Variants in FAM117B observed in about 807,000 individuals in gnomAD.
FAM117B encodes protein FAM117B.
In FAM117B, 22 loss-of-function variants were observed where a neutral mutation model predicts 52.8. The ratio of observed to expected loss-of-function variants is 0.42; its 90% confidence interval spans 0.30 to 0.59. FAM117B has a LOEUF of 0.59. FAM117B is among the 20% of genes least tolerant of loss of function. The pLI, the probability that FAM117B is intolerant of heterozygous loss-of-function variation, is 0.22. For missense variants in FAM117B, 678 were observed against 802.6 expected (o/e 0.84, Z 1.88); for synonymous variants, 309 against 324.1 (o/e 0.95, Z 0.50).
At chr2:202,642,344 A>AATAT (rs59347439) in intron 1 of FAM117B, among the ~76,000 whole-genome samples, 14,880 of 142,500 alleles carry the variant, frequency 0.1, 816 homozygotes, top group Middle Eastern at 0.16. Flanking sequence ...GAATAAATAG[A>AATAT]ATATATATAT....
chr2:202,639,062 A>C (rs973780919), intron 1 of FAM117B, among the ~76,000 whole-genome samples: 1 of 152,158 alleles, frequency 6.6e-6, no homozygotes, highest in Non-Finnish European at 1.5e-5. Context: ...CTTTTTCATT[A>C]AAGGGAGGCT....
At chr2:202,699,229 C>A (rs990854188) in intron 2 of FAM117B, among the ~76,000 whole-genome samples, 1 of 151,650 alleles carries the variant, frequency 6.6e-6, no homozygotes, top group African/African-American at 2.4e-5. Context: ...GAGTTCGAGA[C>A]CAGCCTGACC....
intron 1 of FAM117B, among the ~76,000 whole-genome samples, chr2:202,661,944 A>G (rs1690135033): frequency 6.6e-6 from 1 of 151,778 alleles, no homozygotes; most frequent in Non-Finnish European, 1.5e-5. Flanking sequence ...AAAAAGATCA[A>G]CAATCCCACG....
chr2:202,637,142 C>A (rs1164267865), intron 1 of FAM117B, among the ~76,000 whole-genome samples: 1 of 152,140 alleles, frequency 6.6e-6, no homozygotes, highest in Non-Finnish European at 1.5e-5. Flanking sequence ...GGTGAAACGC[C>A]CGCCTTGGCT....
intron 1 of FAM117B, among the ~76,000 whole-genome samples, chr2:202,658,755 A>G (rs2105760235): frequency 6.6e-6 from 1 of 152,226 alleles, no homozygotes; most frequent in African/African-American, 2.4e-5. Context: ...TTTGTATGTA[A>G]TGTGTTGTTT....
At chr2:202,666,076 CAGA>C (rs1448951534) in intron 1 of FAM117B, among the ~76,000 whole-genome samples, 1 of 152,088 alleles carries the variant, frequency 6.6e-6, no homozygotes, top group Non-Finnish European at 1.5e-5. Context: ...TAAAATTTGA[CAGA>C]AGAAAACATT....
Position 202,765,634 on chromosome 2 carries a change from TGCA to T in FAM117B, c.1643_1645del (p.Gln548del). The T allele has an allele frequency of 6.2e-7, 1 of 1,614,196 alleles. No individual in the cohort carries two copies. Among genetic ancestry groups the T allele is most frequent in the Non-Finnish European group, 8.5e-7 (1 of 1,180,034 alleles). ...ACCACTGGCATGACAACCACTCTGC[TGCA>T]GCCTATTGCTGTGGCCTCCCTGTCT... On this transcript the variant is annotated inframe_deletion, in exon 8 of 8. Transcript: ENST00000392238.
chr2:202,668,692 A>G (rs1690248473), intron 1 of FAM117B, among the ~76,000 whole-genome samples: 1 of 151,868 alleles, frequency 6.6e-6, no homozygotes, highest in Non-Finnish European at 1.5e-5. Context: ...ATAGGATGGT[A>G]GATTTTGGGT....
rs980156786 is a variant in FAM117B at position 202,765,857 on chromosome 2, A to G, written c.*93A>G. The G allele has an allele frequency of 3.8e-6, 5 of 1,310,946 alleles. No homozygotes were observed. The highest frequency in any genetic ancestry group is 1.5e-5 in the African/African-American group (1 of 67,990). 81.2% of individuals were successfully genotyped at this position (1,310,946 alleles called of 1,614,324 possible). A position where few individuals can be genotyped will look rare whatever the true frequency, so the allele number is the denominator to read the frequency against. On this transcript the variant is annotated 3_prime_UTR_variant, in exon 8 of 8. Coordinates refer to ENST00000392238, the MANE Select transcript of FAM117B (RefSeq NM_173511.4). ...CATCGTGCGCTTCTGGTCGGCTGTG[A>G]TGTGCTCCAGCTTTCCAGTGACATG...
chr2:202,709,058 A>T (rs890709052), intron 2 of FAM117B, among the ~76,000 whole-genome samples: 1 of 152,182 alleles, frequency 6.6e-6, no homozygotes, highest in African/African-American at 2.4e-5. Flanking sequence ...GCGCGAGATG[A>T]TACTTCATTG....
At chr2:202,716,089 G>A (rs1691051797) in intron 2 of FAM117B, among the ~76,000 whole-genome samples, 2 of 152,152 alleles carry the variant, frequency 1.3e-5, no homozygotes, top group Non-Finnish European at 2.9e-5. Context: ...GAGAGGGAGA[G>A]GGAGAGGATA....
At chr2:202,704,491 T>C (rs541382074) in intron 2 of FAM117B, among the ~76,000 whole-genome samples, 1 of 152,348 alleles carries the variant, frequency 6.6e-6, no homozygotes, top group South Asian at 2.1e-4. Flanking sequence ...TAGACACTGC[T>C]GCAGCAAAGA....
intron 4 of FAM117B, among the ~76,000 whole-genome samples, chr2:202,748,543 A>T (rs112709337): frequency 0.023 from 3,437 of 152,242 alleles, 125 homozygotes; most frequent in African/African-American, 0.078. Flanking sequence ...AGGAACTAAC[A>T]TCGAGAATCT....
intron 7 of FAM117B, among the ~76,000 whole-genome samples, chr2:202,763,568 A>G (rs1194755225): frequency 6.6e-6 from 1 of 152,122 alleles, no homozygotes. Flanking sequence ...CATAACCTCA[A>G]CTTCCTCAAG....
intron 4 of FAM117B, among the ~76,000 whole-genome samples, chr2:202,754,352 A>ACGT (rs1691768401): frequency 6.6e-6 from 1 of 152,174 alleles, no homozygotes; most frequent in Admixed American, 6.5e-5. Flanking sequence ...ATAGAGGGGA[A>ACGT]CACACACCAG....
intron 4 of FAM117B, among the ~76,000 whole-genome samples, chr2:202,737,633 G>A (rs191227516): frequency 2.0e-5 from 3 of 151,236 alleles, no homozygotes; most frequent in South Asian, 2.1e-4. Context: ...ACAGAGTCTC[G>A]CTCTGTAGTC....
At chr2:202,692,165 A>G (rs1690643472) in intron 1 of FAM117B, among the ~76,000 whole-genome samples, 2 of 152,224 alleles carry the variant, frequency 1.3e-5, no homozygotes, top group South Asian at 4.1e-4. Flanking sequence ...GAGAGGTGTC[A>G]AGAGGTGTTT....
intron 1 of FAM117B, among the ~76,000 whole-genome samples, chr2:202,689,718 G>A (rs1417884551): frequency 6.6e-6 from 1 of 152,048 alleles, no homozygotes; most frequent in Non-Finnish European, 1.5e-5. Context: ...AGGAGTTTGA[G>A]ACCAACTTGG....
At position 202,765,880 on chromosome 2, in the gene FAM117B, A is replaced by G. The variant is rs1691969576; in HGVS notation, c.*116A>G. 9.0e-7 allele frequency: 1 copy of G among 1,110,046 alleles called. No homozygotes were observed. Among genetic ancestry groups the G allele is most frequent in the Non-Finnish European group, 1.3e-6 (1 of 788,566 alleles). 68.8% of individuals were successfully genotyped at this position (1,110,046 alleles called of 1,614,324 possible). ...TGATGTGCTCCAGCTTTCCAGTGAC[A>G]TGTGACGGCGAGGCTTCTGGAAGAA... On this transcript the variant is annotated 3_prime_UTR_variant, in exon 8 of 8. Transcript: ENST00000392238.
Sources: allele counts gnomAD v4.1 joint callset (sites outside exome capture counted in the v4.1 genomes callset), GRCh38; gene constraint gnomAD v4.1.1; transcripts MANE v1.5; gene names NCBI Gene and HGNC (gene_info 2026-07-23, HGNC 2026-07-21).